Variants in HLCS observed in about 807,000 individuals in gnomAD.
HLCS encodes the protein holocarboxylase synthetase.
In HLCS, 53 loss-of-function variants were observed where a neutral mutation model predicts 75.0. The ratio of observed to expected loss-of-function variants is 0.71; its 90% CI spans 0.57 to 0.89. The LOEUF is 0.89. Among genes scored for constraint, HLCS ranks in the 40% least tolerant of loss-of-function variants. The pLI is 0.00. For missense variants in HLCS, 966 were observed against 1,074.0 expected (o/e 0.90, Z 1.41); for synonymous variants, 431 against 428.6 (o/e 1.01, Z -0.07).
At chr21:36,759,989 C>T (rs2089767560) in intron 8 of HLCS, 148 bp from the exon 9 acceptor site, 1 of 703,804 alleles carries the variant, frequency 1.4e-6, no homozygotes, top group Admixed American at 2.0e-5. Context: ...TTCTTTGGGA[C>T]AATCCGATAT....
At chr21:36,756,246 G>A (rs1024493523) in intron 10 of HLCS, among the ~76,000 whole-genome samples, 18 of 148,806 alleles carry the variant, frequency 1.2e-4, no homozygotes, top group Middle Eastern at 3.4e-3. Context: ...AGACCATCCT[G>A]GCTAACACGG....
At chr21:36,899,556 G>A (rs994099746) in intron 5 of HLCS, among the ~76,000 whole-genome samples, 1 of 151,788 alleles carries the variant, frequency 6.6e-6, no homozygotes, top group Non-Finnish European at 1.5e-5. Context: ...CCCAGGTGGC[G>A]GAGGTTGCAG....
intron 6 of HLCS, among the ~76,000 whole-genome samples, chr21:36,881,788 G>A (rs2064228622): frequency 6.6e-6 from 1 of 152,182 alleles, no homozygotes; most frequent in South Asian, 2.1e-4. Context: ...GAGGAACCTG[G>A]CCTCTGAGAA....
intron 5 of HLCS, among the ~76,000 whole-genome samples, chr21:36,926,460 A>T (rs866916342): frequency 2.6e-5 from 4 of 152,218 alleles, no homozygotes; most frequent in Admixed American, 6.5e-5. Context: ...TTTAACATTC[A>T]AGTGTGACCA....
intron 1 of HLCS, among the ~76,000 whole-genome samples, chr21:36,981,395 CTTTTTTT>C (rs11328067): frequency 1.1e-5 from 1 of 91,280 alleles, no homozygotes; most frequent in African/African-American, 4.7e-5. Context: ...CTTAACCTTC[CTTTTTTT>C]TTTTTTTTTT....
chr21:36,814,720 A>G (rs1465104738), intron 6 of HLCS, among the ~76,000 whole-genome samples: 1 of 152,202 alleles, frequency 6.6e-6, no homozygotes, highest in Admixed American at 6.5e-5. Flanking sequence ...GTGCATACAA[A>G]TCACCCAGGG....
In HLCS at chr21:36,762,040, G is replaced by A. The variant is rs144154749; in HGVS notation, c.2122-2199C>T. On this transcript the variant is annotated intron_variant, in intron 8 of 10. Coordinates refer to ENST00000674895, the MANE Select transcript of HLCS (RefSeq NM_001352514.2). ...AGGACCAGCATTTCCACATGAAGAG[G>A]AGGACTGTGTGCTCATTTTTCATTT... Among the ~76,000 whole-genome samples, 231 of 152,326 alleles carry A rather than the reference G, an allele frequency of 1.5e-3. 1 individual carries two copies. Among genetic ancestry groups the A allele is most frequent in the Non-Finnish European group, 2.5e-3 (171 of 68,034 alleles).
intron 4 of HLCS, 130 bp downstream of exon 4, chr21:36,936,319 C>T: frequency 1.2e-6 from 1 of 847,122 alleles, no homozygotes; most frequent in South Asian, 1.3e-5. Flanking sequence ...AGCTCCCAGC[C>T]AATAGTCAAA....
rs559024598 is a variant in HLCS, at chr21:36,793,606, C to G, written c.1893-26321G>C. Among the ~76,000 whole-genome samples, 3 of 152,158 alleles carry G rather than the reference C, an allele frequency of 2.0e-5. No homozygotes were observed. The East Asian group carries it at 5.8e-4, about 29-fold the overall frequency. On this transcript the variant is annotated intron_variant, in intron 6 of 10. Transcript: ENST00000674895. ...TGAGCCACCGCGCCCAGCCAGGATG[C>G]AATCTTATTGGTGTGTCACTTTTAG...
chr21:36,855,210 G>C (rs1198848272), intron 6 of HLCS, among the ~76,000 whole-genome samples: 1 of 151,696 alleles, frequency 6.6e-6, no homozygotes, highest in Non-Finnish European at 1.5e-5. Flanking sequence ...TATCTGTATA[G>C]ATCGTTTATA....
intron 5 of HLCS, among the ~76,000 whole-genome samples, chr21:36,926,988 C>T (rs1470117452): frequency 6.6e-6 from 1 of 152,228 alleles, no homozygotes; most frequent in Non-Finnish European, 1.5e-5. Context: ...TTGAGCGATC[C>T]ACCTGCCTCA....
At chr21:36,836,348 C>A (rs1026083818) in intron 6 of HLCS, among the ~76,000 whole-genome samples, 7 of 152,046 alleles carry the variant, frequency 4.6e-5, no homozygotes, top group Non-Finnish European at 1.0e-4. Context: ...TTTTAGGGTA[C>A]ATGTGCACAA....
chr21:36,926,283 G>A (rs2066402555), intron 5 of HLCS, among the ~76,000 whole-genome samples: 1 of 152,226 alleles, frequency 6.6e-6, no homozygotes, highest in African/African-American at 2.4e-5. Flanking sequence ...CTTCAGCTCG[G>A]AGGCCCCCAC....
chr21:36,763,458 AGC>A (rs1217644114), intron 8 of HLCS, among the ~76,000 whole-genome samples: 1 of 152,230 alleles, frequency 6.6e-6, no homozygotes, highest in Non-Finnish European at 1.5e-5. Flanking sequence ...CGTCCGTTTC[AGC>A]GATGTGATGT....
chr21:36,923,533 G>C lies in HLCS; in HGVS notation c.1620+6718C>G, dbSNP rs1006927036. Among the ~76,000 whole-genome samples the C allele has an allele frequency of 7.9e-5, 12 of 152,186 alleles. No individual in the cohort carries two copies. In the East Asian group the frequency reaches 2.3e-3, roughly 29 times the overall value. ...ACAGCAAAGACCGCAACGCACAGAA[G>C]CCAGAATCATCACAAAACTAATTAA... is the stretch of plus-strand genomic sequence containing the variant. On this transcript the variant is annotated intron_variant, in intron 5 of 10. Coordinates refer to ENST00000674895, the MANE Select transcript of HLCS (RefSeq NM_001352514.2).
chr21:36,909,734 A>G lies in HLCS; in HGVS notation c.1621-12603T>C, dbSNP rs951836629. On this transcript the variant is annotated intron_variant, in intron 5 of 10. Coordinates refer to ENST00000674895, the MANE Select transcript of HLCS (RefSeq NM_001352514.2). The stretch of plus-strand genomic sequence containing the variant: ...CAGACTCCCAAAGTGCTGGGTTTAC[A>G]GGTGTGGGCCACATCACTTTAGAGC... Among the ~76,000 whole-genome samples the G allele has an allele frequency of 3.3e-5, 5 of 152,210 alleles. No individual in the cohort carries two copies. In the East Asian group the frequency reaches 9.6e-4, roughly 29 times the overall value.
intron 6 of HLCS, among the ~76,000 whole-genome samples, chr21:36,828,766 T>A (rs962201864): frequency 6.6e-6 from 1 of 152,220 alleles, no homozygotes; most frequent in South Asian, 2.1e-4. Flanking sequence ...AAGTCCACCA[T>A]AAGCATAATT....
rs537293729 is a variant in HLCS at position 36,754,706 on chromosome 21, A to G, written c.2451-289T>C. Among the ~76,000 whole-genome samples the G allele has an allele frequency of 2.6e-5, 4 of 152,268 alleles. No homozygotes were observed. In the East Asian group the frequency reaches 7.7e-4, roughly 29 times the overall value. ...GTCATCTGCGGTGATGGCTGGAACC[A>G]CTTCCTCACCTCCCAGCGCTTTTAA... On this transcript the variant is annotated intron_variant, in intron 10 of 10. Transcript: ENST00000674895.
At chr21:36,929,724 C>A (rs114551893) in intron 5 of HLCS, among the ~76,000 whole-genome samples, 18 of 152,182 alleles carry the variant, frequency 1.2e-4, no homozygotes, top group Non-Finnish European at 2.4e-4. Flanking sequence ...GAGAATCTGG[C>A]GACCTGCCCA....
Sources: gnomAD v4.1 joint callset for allele counts (sites outside exome capture counted in the v4.1 genomes callset) on GRCh38, gnomAD v4.1.1 for gene constraint, MANE v1.5 for transcripts, NCBI Gene and HGNC (gene_info 2026-07-23, HGNC 2026-07-21) for gene names.